Variants in CA3 observed in about 807,000 individuals in gnomAD.
CA3 encodes carbonic anhydrase 3.
A neutral mutation model predicts 35.7 loss-of-function variants in CA3; 30 were observed. That is an observed-to-expected ratio of 0.84 (90% confidence interval 0.63 to 1.14). The LOEUF is 1.14. Among genes scored for constraint, CA3 ranks in the 50% most tolerant of loss-of-function variants. The pLI, the probability that CA3 is intolerant of heterozygous loss-of-function variation, is 0.00. For missense variants in CA3, 295 were observed against 328.5 expected, an observed-to-expected ratio of 0.90 and a Z score of 0.79; for synonymous variants, 131 against 130.8, an observed-to-expected ratio of 1.00 and a Z score of -0.01.
chr8:85,438,965 C>T lies in CA3; in HGVS notation c.34+22C>T, dbSNP rs1319934070. The T allele has an allele frequency of 7.1e-6, 11 of 1,550,912 alleles. No homozygotes were observed. In the South Asian group the frequency reaches 9.5e-5, roughly 13 times the overall value. ...AACGGTGAGTGCAGGCAGCCGCGAC[C>T]CGGCCAGGAAGGGATGCCAGTCCAG... On this transcript the variant is annotated intron_variant, in intron 1 of 6. Transcript: ENST00000285381.
At chr8:85,447,145 T>C (rs1021472830) in intron 6 of CA3, among the ~76,000 whole-genome samples, 3 of 146,212 alleles carry the variant, frequency 2.1e-5, no homozygotes, top group Non-Finnish European at 4.4e-5. Context: ...GATATAACTA[T>C]TTTGAAAGAA....
intron 4 of CA3, 66 bp downstream of exon 4, chr8:85,444,192 T>C (rs573265093): frequency 1.0e-6 from 1 of 967,346 alleles, no homozygotes; most frequent in African/African-American, 1.6e-5. Context: ...TTAGCATAGT[T>C]TGAGTTTCAT....
At chr8:85,446,040 T>C in intron 5 of CA3, 102 bp from the exon 6 acceptor site, 1 of 1,082,908 alleles carries the variant, frequency 9.2e-7, no homozygotes, top group Non-Finnish European at 1.3e-6. Context: ...TTTTCTCTAT[T>C]GCATTTGAAA....
intron 3 of CA3, 121 bp downstream of exon 3, chr8:85,442,312 A>T: frequency 1.4e-6 from 1 of 705,660 alleles, no homozygotes; most frequent in Admixed American, 2.0e-5. Flanking sequence ...TAGTTATGAA[A>T]AGAGCTGTAC....
In CA3 at chr8:85,448,082, G is replaced by T. The variant is rs1811318158; in HGVS notation, c.712G>T (p.Val238Leu). 1.2e-6 allele frequency: 2 copies of T among 1,613,748 alleles called. No individual in the cohort carries two copies. The highest frequency in any genetic ancestry group is 1.7e-6 in the Non-Finnish European group (2 of 1,179,834). Reference protein sequence around the residue: ...LLSSAENEPPVPLVSNWRPPQ... With the variant: ...LLSSAENEPPLPLVSNWRPPQ... ...CTCCAGTGCTGAGAACGAGCCCCCA[G>T]TGCCTCTTGTGAGCAACTGGCGACC... is the stretch of plus-strand genomic sequence containing the variant. Residue 238 changes from valine to leucine, a missense_variant, in exon 7 of 7, where the codon GTG becomes TTG. Transcript: ENST00000285381.
At chr8:85,443,134 ACG>A (rs920144727) in intron 3 of CA3, among the ~76,000 whole-genome samples, 1 of 152,188 alleles carries the variant, frequency 6.6e-6, no homozygotes, top group African/African-American at 2.4e-5. Context: ...ATTTACACAC[ACG>A]TAGAGATATG....
Position 85,447,932 on chromosome 8 carries a change from CCAA to C in CA3, c.664-95_664-93del. On this transcript the variant is annotated intron_variant, in intron 6 of 6. Transcript: ENST00000285381. ...ACAAACAAACAAACAAACAAAAAAA[CCAA>C]CAACAAAAAAAACCCCAGCAGTATT... is the stretch of plus-strand genomic sequence containing the variant. 2.7e-6 allele frequency: 3 copies of C among 1,115,034 alleles called. No homozygotes were observed. In the Admixed American group the frequency reaches 7.7e-5, roughly 29 times the overall value. The allele number at this position is 1,115,034 out of a possible 1,614,324, so 69.1% of individuals were successfully genotyped here. A position where few individuals can be genotyped will look rare whatever the true frequency, so the allele number is the denominator to read the frequency against.
At chr8:85,440,882 C>G (rs1015741560) in intron 2 of CA3, among the ~76,000 whole-genome samples, 3 of 152,122 alleles carry the variant, frequency 2.0e-5, no homozygotes, top group African/African-American at 7.2e-5. Context: ...CCTTATATAT[C>G]AAGTACCATT....
intron 2 of CA3, among the ~76,000 whole-genome samples, chr8:85,440,631 A>C (rs1005490246): frequency 1.3e-5 from 2 of 152,222 alleles, no homozygotes; most frequent in African/African-American, 4.8e-5. Context: ...TTCACGATAA[A>C]TGAGGTAAGA....
intron 4 of CA3, 129 bp from the exon 5 acceptor site, chr8:85,445,027 C>A: frequency 1.8e-6 from 1 of 557,376 alleles, no homozygotes; most frequent in Non-Finnish European, 3.2e-6. Flanking sequence ...TATGTTTTTG[C>A]TTAGTACGAG....
chr8:85,447,576 G>T (rs1811309158), intron 6 of CA3, among the ~76,000 whole-genome samples: 1 of 152,184 alleles, frequency 6.6e-6, no homozygotes, highest in Non-Finnish European at 1.5e-5. Context: ...CTGGGGACAG[G>T]TTGTGTGGTT....
At position 85,442,000 on chromosome 8, in the gene CA3, G is replaced by C. The variant is rs1458702939; in HGVS notation, c.233-73G>C. On this transcript the variant is annotated intron_variant, in intron 2 of 6. Coordinates refer to ENST00000285381, the MANE Select transcript of CA3 (RefSeq NM_005181.4). ...TTTGTCCATTAAGCCTTGGCTCTAAGAGCACTTGGTTAAAGTAGAGCTCTG... is the reference window on the plus strand; with the variant it reads ...TTTGTCCATTAAGCCTTGGCTCTAACAGCACTTGGTTAAAGTAGAGCTCTG... The C allele has an allele frequency of 4.7e-6, 4 of 842,350 alleles. No homozygotes were observed. In the East Asian group the frequency reaches 9.7e-5, roughly 20 times the overall value. The allele number at this position is 842,350 out of a possible 1,614,324, so 52.2% of individuals were successfully genotyped here. A position where few individuals can be genotyped will look rare whatever the true frequency, so the allele number is the denominator to read the frequency against.
chr8:85,445,721 T>C (rs1811279230), intron 5 of CA3, among the ~76,000 whole-genome samples: 1 of 152,186 alleles, frequency 6.6e-6, no homozygotes, highest in Non-Finnish European at 1.5e-5. Context: ...TAATCAAATA[T>C]TATTGAGTTT....
intron 5 of CA3, among the ~76,000 whole-genome samples, 188 bp downstream of exon 5, chr8:85,445,406 A>C (rs1379939370): frequency 6.6e-6 from 1 of 151,574 alleles, no homozygotes; most frequent in East Asian, 1.9e-4. Flanking sequence ...CACATATATC[A>C]GTTTTTTTAA....
At chr8:85,440,459 G>T (rs1402861815) in intron 2 of CA3, among the ~76,000 whole-genome samples, 1 of 152,104 alleles carries the variant, frequency 6.6e-6, no homozygotes, top group African/African-American at 2.4e-5. Flanking sequence ...TAATCATTTG[G>T]GTGAGTATTT....
chr8:85,440,151 T>C (rs1193065178), intron 2 of CA3, among the ~76,000 whole-genome samples: 1 of 152,182 alleles, frequency 6.6e-6, no homozygotes, highest in African/African-American at 2.4e-5. Flanking sequence ...AAGTTGGCAA[T>C]GCATTCCTGA....
Position 85,448,132 on chromosome 8 carries a change from G to T in CA3, c.762G>T (p.Val254=), listed in dbSNP as rs776440914. The T allele has an allele frequency of 6.2e-7, 1 of 1,612,458 alleles. No individual in the cohort carries two copies. Among genetic ancestry groups the T allele is most frequent in the Non-Finnish European group, 8.5e-7 (1 of 1,179,354 alleles). Residue 254 remains valine (V), a synonymous_variant, in exon 7 of 7, where the codon GTG becomes GTT. Transcript: ENST00000285381. The part of the protein sequence containing the change: ...WRPPQPINNR[V]VRASFK Reference sequence around the variant, plus strand: ...CTCCACAGCCTATCAATAACAGGGTGGTGAGAGCTTCCTTCAAATGAGGCT... The same window carrying T: ...CTCCACAGCCTATCAATAACAGGGTTGTGAGAGCTTCCTTCAAATGAGGCT...
In CA3 at chr8:85,444,124, A is replaced by T. The variant is rs778165853; in HGVS notation, c.442A>T (p.Lys148Ter). 6.9e-6 allele frequency: 11 copies of T among 1,598,214 alleles called. No individual in the cohort carries two copies. In the East Asian group the frequency reaches 2.5e-4, roughly 36 times the overall value. Reference protein sequence around the residue: ...DGIAVIGIFLKIGHENGEFQI... With the variant: ...DGIAVIGIFL ...GATCGCTGTGATTGGCATTTTTCTGAAGGTAAAGTAAAAATTGACTATATA... is the reference window on the plus strand; with the variant it reads ...GATCGCTGTGATTGGCATTTTTCTGTAGGTAAAGTAAAAATTGACTATATA... Residue 148 changes from lysine (K) to a stop codon, truncating the protein, a stop_gained and splice_region_variant, in exon 4 of 7, where the codon AAG (lysine) becomes TAG (stop). Coordinates refer to ENST00000285381, the MANE Select transcript of CA3 (RefSeq NM_005181.4). LOFTEE classifies it high-confidence loss of function.
chr8:85,446,286 A>G lies in CA3; in HGVS notation c.652A>G (p.Ser218Gly). 6.2e-7 allele frequency: 1 copy of G among 1,613,430 alleles called. No individual in the cohort carries two copies. Among genetic ancestry groups the G allele is most frequent in the Non-Finnish European group, 8.5e-7 (1 of 1,179,496 alleles). The change falls in exon 6 of 7, where the codon AGC (serine) becomes GGC (glycine). Residue 218 changes from serine (S) to glycine (G), a missense_variant. Ser to Gly is a moderately conservative substitution (Grantham distance 56). Coordinates refer to ENST00000285381, the MANE Select transcript of CA3 (RefSeq NM_005181.4). ...GCTGCTGAAGGAGCCCATGACCGTG[A>G]GCTCTGACCAGGTGAGCAGCCTTGT... ...WLLLKEPMTV[S>G]SDQMAKLRSL...
Sources: allele counts gnomAD v4.1 joint callset (sites outside exome capture counted in the v4.1 genomes callset), GRCh38; gene constraint gnomAD v4.1.1; transcripts MANE v1.5; gene names NCBI Gene and HGNC (gene_info 2026-07-23, HGNC 2026-07-21).